Variants in COL4A5 observed in about 807,000 individuals in gnomAD.
COL4A5 encodes the protein collagen alpha-5(IV) chain.
In COL4A5, 26 loss-of-function variants were observed where a neutral mutation model predicts 130.2. The observed-to-expected ratio is 0.20, with a 90% CI of 0.15 to 0.28. The LOEUF is 0.28. Ranked by LOEUF, COL4A5 falls within the 10% of genes least tolerant of loss-of-function variation. The probability of loss-of-function intolerance (pLI) is 1.00; values close to 1 mark genes in which losing one functional copy is unlikely to be tolerated. For missense variants in COL4A5, 1,131 were observed against 1,344.3 expected, an observed-to-expected ratio of 0.84 and a Z score of 2.48; for synonymous variants, 496 against 439.6, an observed-to-expected ratio of 1.13 and a Z score of -1.60.
intron 1 of COL4A5, among the ~76,000 whole-genome samples, chrX:108,472,001 C>T (rs1394512080): frequency 9.0e-6 from 1 of 111,218 alleles, no homozygotes; most frequent in African/African-American, 3.3e-5. Context: ...TTACAATTTC[C>T]TTCACTACAT....
chrX:108,667,866 G>A (rs188570538), intron 40 of COL4A5, among the ~76,000 whole-genome samples: 3 of 111,140 alleles, frequency 2.7e-5, no homozygotes, highest in Non-Finnish European at 3.8e-5. Flanking sequence ...TTTGCTAGAC[G>A]GTGATTATAA....
At chrX:108,483,976 T>C (rs1016706043) in intron 1 of COL4A5, among the ~76,000 whole-genome samples, 10 of 112,365 alleles carry the variant, frequency 8.9e-5, no homozygotes, top group Admixed American at 3.8e-4. Flanking sequence ...GACTTTATCT[T>C]GTTCAGCTGT....
At chrX:108,595,390 C>T in intron 21 of COL4A5, 119 bp from the exon 22 acceptor site, 4 of 605,157 alleles carry the variant, frequency 6.6e-6, no homozygotes, top group Non-Finnish European at 2.8e-6. Flanking sequence ...ATATAGGCTT[C>T]TCCAATCACA....
At position 108,602,958 on chromosome X, in the gene COL4A5, T is replaced by C. The variant is rs1373830073; in HGVS notation, c.2147-6T>C. The C allele has an allele frequency of 8.6e-7, 1 of 1,157,388 alleles. No homozygotes were observed. The highest frequency in any genetic ancestry group is 2.3e-5 in the Admixed American group (1 of 42,687). Reference sequence around the variant, plus strand: ...GGTGGTTAAAAAATGACTTATCATTTTACAGGCTTTCCTGGAATTCCAGGA... The same window carrying C: ...GGTGGTTAAAAAATGACTTATCATTCTACAGGCTTTCCTGGAATTCCAGGA... On this transcript the variant is annotated splice_polypyrimidine_tract_variant and splice_region_variant and intron_variant, in intron 27 of 52. Transcript: ENST00000328300.
chrX:108,648,062 C>T (rs1473039551), intron 36 of COL4A5, among the ~76,000 whole-genome samples: 1 of 110,549 alleles, frequency 9.0e-6, no homozygotes, highest in Non-Finnish European at 1.9e-5. Flanking sequence ...TGTGTCTCTA[C>T]CAGGCTTTGG....
At chrX:108,468,659 C>T (rs751149326) in intron 1 of COL4A5, among the ~76,000 whole-genome samples, 1 of 109,509 alleles carries the variant, frequency 9.1e-6, no homozygotes, top group South Asian at 4.0e-4. Context: ...TGGCATATTG[C>T]ATCAGTGGGT....
intron 2 of COL4A5, among the ~76,000 whole-genome samples, chrX:108,557,655 AC>A (rs1177678476): frequency 4.5e-5 from 5 of 111,442 alleles, no homozygotes; most frequent in African/African-American, 1.6e-4. Context: ...ACACACACAC[AC>A]ACTTTCAGAG....
chrX:108,545,322 T>C (rs902159995), intron 2 of COL4A5, among the ~76,000 whole-genome samples: 3 of 111,775 alleles, frequency 2.7e-5, no homozygotes, highest in Admixed American at 1.9e-4. Flanking sequence ...TTGTTCTCGT[T>C]GGTTTCAAAG....
intron 1 of COL4A5, among the ~76,000 whole-genome samples, chrX:108,461,008 C>T (rs2064644237): frequency 9.1e-6 from 1 of 110,351 alleles, no homozygotes; most frequent in South Asian, 3.9e-4. Flanking sequence ...ATAGCGCAAG[C>T]TTATTAGACC....
At chrX:108,605,063 G>A (rs1305146487) in intron 28 of COL4A5, among the ~76,000 whole-genome samples, 5 of 112,174 alleles carry the variant, frequency 4.5e-5, no homozygotes, top group Non-Finnish European at 7.5e-5. Context: ...CAATAGGGCT[G>A]TTTTACTTTC....
Position 108,686,041 on chromosome X carries a change from C to T in COL4A5, c.4227C>T (p.Gly1409=). The T allele has an allele frequency of 8.3e-7, 1 of 1,207,705 alleles. No homozygotes were observed. Among genetic ancestry groups the T allele is most frequent in the Non-Finnish European group, 1.1e-6 (1 of 892,105 alleles). ...QGPQGLPGPT[G]PPGDPGRNGL... is the part of the protein sequence containing the mutation. ...ATTCTTTTCCTGTAGGTCCAACTGG[C>T]CCTCCAGGAGATCCTGGACGCAATG... is the stretch of plus-strand genomic sequence containing the variant. Residue 1409 remains glycine (G), a synonymous_variant, in exon 48 of 53, where the codon GGC becomes GGT. Coordinates refer to ENST00000328300, the MANE Select transcript of COL4A5 (RefSeq NM_033380.3).
chrX:108,558,214 C>T (rs957784658), intron 2 of COL4A5, among the ~76,000 whole-genome samples: 1 of 109,056 alleles, frequency 9.2e-6, no homozygotes, highest in Non-Finnish European at 1.9e-5. Flanking sequence ...TCTGAGCCTT[C>T]GGGGTTCTTA....
intron 44 of COL4A5, among the ~76,000 whole-genome samples, chrX:108,679,561 CCCTCCAACTATTTT>C (rs2068380883): frequency 8.9e-6 from 1 of 111,898 alleles, no homozygotes; most frequent in Non-Finnish European, 1.9e-5. Context: ...ATATGTACTT[CCCTCCAACTATTTT>C]TTTAGCACTT....
chrX:108,461,312 ATT>A (rs112654186), intron 1 of COL4A5, among the ~76,000 whole-genome samples: 1 of 110,583 alleles, frequency 9.0e-6, no homozygotes. Context: ...AAAAGGAGGC[ATT>A]TTTTTTCCCC....
At chrX:108,511,452 T>C (rs1426472211) in intron 1 of COL4A5, among the ~76,000 whole-genome samples, 1 of 111,862 alleles carries the variant, frequency 8.9e-6, no homozygotes, top group Non-Finnish European at 1.9e-5. Context: ...TGCAGAAATA[T>C]GAGAAGCTGA....
chrX:108,631,132 A>G (rs1170650762), intron 36 of COL4A5, among the ~76,000 whole-genome samples: 1 of 111,874 alleles, frequency 8.9e-6, no homozygotes, highest in Admixed American at 9.5e-5. Flanking sequence ...TATCTTGACA[A>G]TGTGGGCTCT....
intron 1 of COL4A5, among the ~76,000 whole-genome samples, chrX:108,458,919 G>T (rs2064613276): frequency 1.8e-5 from 2 of 109,841 alleles, no homozygotes; most frequent in South Asian, 3.9e-4. Context: ...GGCGGAGCTT[G>T]CAGTGAGCCC....
chrX:108,532,574 T>G (rs191226622), intron 1 of COL4A5, among the ~76,000 whole-genome samples: 25 of 111,065 alleles, frequency 2.3e-4, no homozygotes, highest in Admixed American at 2.1e-3. Context: ...GGAGGTCCTA[T>G]TAAGAGCAAT....
At position 108,448,590 on chromosome X, in the gene COL4A5, G is replaced by A. The variant is rs73539492; in HGVS notation, c.81+8384G>A. On this transcript the variant is annotated intron_variant, in intron 1 of 52. Coordinates refer to ENST00000328300, the MANE Select transcript of COL4A5 (RefSeq NM_033380.3). ...AGCCCTCCAAAAGCTTGCTAAAGGAGGACTGGTCCTTCTCTGTCCATATTC... is the reference window on the plus strand; with the variant it reads ...AGCCCTCCAAAAGCTTGCTAAAGGAAGACTGGTCCTTCTCTGTCCATATTC... Among the ~76,000 whole-genome samples, 150 of 111,446 alleles carry A rather than the reference G, an allele frequency of 1.3e-3. 1 individual carries two copies. Among genetic ancestry groups the A allele is most frequent in the African/African-American group, 4.7e-3 (143 of 30,751 alleles).
Sources: allele counts gnomAD v4.1 joint callset (sites outside exome capture counted in the v4.1 genomes callset), GRCh38; gene constraint gnomAD v4.1.1; transcripts MANE v1.5; gene names NCBI Gene and HGNC (gene_info 2026-07-23, HGNC 2026-07-21).